The following HS6ST3 variants were observed in gnomAD, a reference collection of about 807,000 sequenced individuals.
The protein encoded by HS6ST3 is heparan sulfate 6-O-sulfotransferase 3, also known as heparan-sulfate 6-O-sulfotransferase 3.
In HS6ST3, 12 loss-of-function variants were observed where a neutral mutation model predicts 36.7. The ratio of observed to expected loss-of-function variants is 0.33; its 90% CI spans 0.21 to 0.53. The LOEUF (loss-of-function observed/expected upper bound fraction) is 0.53, where lower values mean the gene tolerates loss of function less well. Among genes scored for constraint, HS6ST3 ranks in the 20% least tolerant of loss-of-function variants. The pLI is 0.95. For synonymous variants in HS6ST3, 240 were observed against 257.5 expected (o/e 0.93, Z 0.65); for missense variants, 584 against 640.9 (o/e 0.91, Z 0.96).
intron 1 of HS6ST3, among the ~76,000 whole-genome samples, chr13:96,726,028 G>A (rs975094400): frequency 2.0e-5 from 3 of 152,028 alleles, no homozygotes; most frequent in African/African-American, 4.8e-5. Flanking sequence ...GGTAGAGACC[G>A]GGTTTCGCCA....
chr13:96,464,974 G>T (rs1288190922), intron 1 of HS6ST3, among the ~76,000 whole-genome samples: 1 of 111,334 alleles, frequency 9.0e-6, no homozygotes, highest in Non-Finnish European at 2.0e-5. Context: ...GTGTGTGTGT[G>T]TGTGTGTGTG....
chr13:96,304,085 G>A (rs2054896923), intron 1 of HS6ST3, among the ~76,000 whole-genome samples: 1 of 151,598 alleles, frequency 6.6e-6, no homozygotes, highest in Non-Finnish European at 1.5e-5. Context: ...GGAGGTTGCA[G>A]TGAGCCGAGA....
chr13:96,167,266 A>G (rs1276494531), intron 1 of HS6ST3, among the ~76,000 whole-genome samples: 2 of 152,190 alleles, frequency 1.3e-5, no homozygotes, highest in Non-Finnish European at 2.9e-5. Flanking sequence ...ATGTTCGTAG[A>G]TACACATTGC....
chr13:96,704,643 G>T (rs1341292947), intron 1 of HS6ST3, among the ~76,000 whole-genome samples: 6 of 152,172 alleles, frequency 3.9e-5, no homozygotes, highest in Non-Finnish European at 7.3e-5. Context: ...GTCCTCTGAA[G>T]AGTTGATCTC....
intron 1 of HS6ST3, among the ~76,000 whole-genome samples, chr13:96,662,509 G>A (rs2056649731): frequency 1.2e-5 from 1 of 84,858 alleles, no homozygotes; most frequent in Non-Finnish European, 2.2e-5. Flanking sequence ...GTGTGTGTGT[G>A]TATGGGGTGT....
intron 1 of HS6ST3, among the ~76,000 whole-genome samples, chr13:96,217,082 G>T (rs2054430236): frequency 6.6e-6 from 1 of 152,098 alleles, no homozygotes; most frequent in African/African-American, 2.4e-5. Flanking sequence ...CGATCCAATG[G>T]CTTGTCCTCG....
chr13:96,489,001 T>C (rs543424520), intron 1 of HS6ST3, among the ~76,000 whole-genome samples: 17 of 152,184 alleles, frequency 1.1e-4, no homozygotes, highest in African/African-American at 4.1e-4. Context: ...ATGTGTACTT[T>C]GTTTACTGAA....
At chr13:96,810,698 A>T (rs1180556054) in intron 1 of HS6ST3, among the ~76,000 whole-genome samples, 2 of 152,216 alleles carry the variant, frequency 1.3e-5, no homozygotes, top group Non-Finnish European at 2.9e-5. Context: ...AGTTAAGTAG[A>T]AAATAGAGGG....
intron 1 of HS6ST3, among the ~76,000 whole-genome samples, chr13:96,248,063 T>C (rs1031464292): frequency 6.6e-6 from 1 of 152,170 alleles, no homozygotes; most frequent in Non-Finnish European, 1.5e-5. Context: ...ACTTATAGTC[T>C]GTTTTCCTTT....
chr13:96,208,884 T>A (rs940338433), intron 1 of HS6ST3, among the ~76,000 whole-genome samples: 4 of 152,214 alleles, frequency 2.6e-5, no homozygotes, highest in Non-Finnish European at 4.4e-5. Context: ...ATTTTTCCCA[T>A]GTATAAATAT....
chr13:96,810,648 T>C (rs1303824268), intron 1 of HS6ST3, among the ~76,000 whole-genome samples: 1 of 152,222 alleles, frequency 6.6e-6, no homozygotes, highest in Non-Finnish European at 1.5e-5. Context: ...GGCTTCTGTC[T>C]AATGAACGAG....
chr13:96,630,627 T>C (rs2056528834), intron 1 of HS6ST3, among the ~76,000 whole-genome samples: 1 of 152,056 alleles, frequency 6.6e-6, no homozygotes, highest in African/African-American at 2.4e-5. Context: ...CTTCCTCCTA[T>C]ACCCTGACAA....
intron 1 of HS6ST3, among the ~76,000 whole-genome samples, chr13:96,670,060 G>A (rs1030274560): frequency 3.9e-5 from 6 of 152,148 alleles, no homozygotes; most frequent in Admixed American, 6.5e-5. Flanking sequence ...TATAAAAAGT[G>A]CCTCAGGGCA....
chr13:96,130,656 AGCAC>A (rs1330580651), intron 1 of HS6ST3, among the ~76,000 whole-genome samples: 1 of 152,166 alleles, frequency 6.6e-6, no homozygotes, highest in African/African-American at 2.4e-5. Flanking sequence ...TAATGCCAGG[AGCAC>A]CTATATCCCC....
intron 1 of HS6ST3, among the ~76,000 whole-genome samples, chr13:96,829,661 C>A (rs962899006): frequency 6.6e-6 from 1 of 152,176 alleles, no homozygotes; most frequent in Non-Finnish European, 1.5e-5. Flanking sequence ...GACATGATCT[C>A]ATTCTTTTTT....
intron 1 of HS6ST3, among the ~76,000 whole-genome samples, chr13:96,354,131 G>A (rs140758427): frequency 0.011 from 1,618 of 152,260 alleles, 28 homozygotes; most frequent in African/African-American, 0.037. Flanking sequence ...TCAACCATAT[G>A]GAACTGGTTA....
chr13:96,148,992 G>A (rs1322670628), intron 1 of HS6ST3, among the ~76,000 whole-genome samples: 7 of 152,130 alleles, frequency 4.6e-5, no homozygotes, highest in African/African-American at 7.2e-5. Flanking sequence ...AAAGAGGATT[G>A]GTTCCAAAAC....
chr13:96,225,335 T>C (rs2054475334), intron 1 of HS6ST3, among the ~76,000 whole-genome samples: 1 of 152,242 alleles, frequency 6.6e-6, no homozygotes, highest in Non-Finnish European at 1.5e-5. Context: ...TTTATTCCTT[T>C]TGGAAGTCTT....
chr13:96,315,721 C>T lies in HS6ST3; in HGVS notation c.707+224152C>T, dbSNP rs536275743. On this transcript the variant is annotated intron_variant, in intron 1 of 1. Transcript: ENST00000376705. ...AGGACTGTTTGTGTTAATCATATGG[C>T]TGTATGTATTTTCACAGACTTTATA... is the stretch of plus-strand genomic sequence containing the variant. Among the ~76,000 whole-genome samples, 4 of 152,132 alleles carry T rather than the reference C, an allele frequency of 2.6e-5. No individual in the cohort carries two copies. In the South Asian group the frequency reaches 8.3e-4, roughly 32 times the overall value.
Sources: gnomAD v4.1 joint callset for allele counts (sites outside exome capture counted in the v4.1 genomes callset) on GRCh38, gnomAD v4.1.1 for gene constraint, MANE v1.5 for transcripts, NCBI Gene and HGNC (gene_info 2026-07-23, HGNC 2026-07-21) for gene names.